Variants in GDA observed in about 807,000 individuals in gnomAD.
The protein encoded by GDA is guanine deaminase.
Under a neutral mutation model 59.6 loss-of-function variants are expected in GDA, and 18 were observed. The observed-to-expected ratio is 0.30, with a 90% confidence interval of 0.21 to 0.45. The LOEUF is 0.45. Ranked by LOEUF, GDA falls within the 20% of genes least tolerant of loss-of-function variation. The probability of loss-of-function intolerance (pLI) is 1.00; values close to 1 mark genes in which losing one functional copy is unlikely to be tolerated. For missense variants in GDA, 427 were observed against 552.3 expected, an observed-to-expected ratio of 0.77 and a Z score of 2.27; for synonymous variants, 201 against 201.1, an observed-to-expected ratio of 1.00 and a Z score of 0.00.
At chr9:72,179,871 G>T (rs949019013) in intron 1 of GDA, among the ~76,000 whole-genome samples, 4 of 151,990 alleles carry the variant, frequency 2.6e-5, no homozygotes, top group Non-Finnish European at 5.9e-5. Context: ...TGTCCAAAAG[G>T]ACACCAGTCA....
chr9:72,227,877 TGTGA>T, intron 8 of GDA, 62 bp from the exon 9 acceptor site: 1 of 826,870 alleles, frequency 1.2e-6, no homozygotes, highest in Non-Finnish European at 2.1e-6. Context: ...TAAAATACCT[TGTGA>T]GTGAGTACCC....
chr9:72,248,138 T>C lies in GDA; in HGVS notation c.1295-134T>C. ...CTTCCTGTTCAGATTATAAACAATC[T>C]GAGGGTTGGGGGAAAGCAGCTTTTA... On this transcript the variant is annotated intron_variant, in intron 13 of 13. Coordinates refer to ENST00000358399, the MANE Select transcript of GDA (RefSeq NM_004293.5). 5.8e-6 allele frequency: 4 copies of C among 689,928 alleles called. No individual in the cohort carries two copies. In the South Asian group the frequency reaches 6.8e-5, roughly 12 times the overall value. 42.7% of individuals were successfully genotyped at this position (689,928 alleles called of 1,614,324 possible).
intron 1 of GDA, among the ~76,000 whole-genome samples, chr9:72,152,612 C>A (rs1441968561): frequency 6.6e-6 from 1 of 152,168 alleles, no homozygotes; most frequent in Non-Finnish European, 1.5e-5. Context: ...CTGTTCATAT[C>A]CTTTGCCCAC....
At chr9:72,157,286 C>T (rs906401294) in intron 1 of GDA, among the ~76,000 whole-genome samples, 2 of 152,064 alleles carry the variant, frequency 1.3e-5, no homozygotes, top group African/African-American at 4.8e-5. Flanking sequence ...GGTGATCCAC[C>T]CACCTTGGCC....
intron 9 of GDA, among the ~76,000 whole-genome samples, chr9:72,230,490 C>CAA (rs1253245279): frequency 4.1e-4 from 57 of 138,404 alleles, no homozygotes; most frequent in South Asian, 1.5e-3. Flanking sequence ...GACTCTGTCT[C>CAA]AAAAAAAAAA....
intron 7 of GDA, among the ~76,000 whole-genome samples, chr9:72,224,417 T>G (rs1471766696): frequency 6.6e-6 from 1 of 152,204 alleles, no homozygotes; most frequent in African/African-American, 2.4e-5. Flanking sequence ...TTTTAAAAAT[T>G]TAGCTACGCA....
At chr9:72,127,105 G>C (rs1351098315) in intron 1 of GDA, among the ~76,000 whole-genome samples, 3 of 151,844 alleles carry the variant, frequency 2.0e-5, no homozygotes, top group Non-Finnish European at 2.9e-5. Flanking sequence ...TCCTAGATTT[G>C]TAATTACTTA....
rs375873368 is a variant in GDA at position 72,231,081 on chromosome 9, A to T, written c.921-33A>T. 5.6e-6 allele frequency: 7 copies of T among 1,240,284 alleles called. No homozygotes were observed. The African/African-American group carries it at 1.0e-4, about 18-fold the overall frequency. 76.8% of individuals were successfully genotyped at this position (1,240,284 alleles called of 1,614,324 possible). A position where few individuals can be genotyped will look rare whatever the true frequency, so the allele number is the denominator to read the frequency against. ...TTCATCTTTTATTGGAACCACATGG[A>T]TCTCCTTGTTCTGACATCTCCTCTC... On this transcript the variant is annotated intron_variant, in intron 9 of 13. Transcript: ENST00000358399.
At chr9:72,132,195 T>TC in intron 1 of GDA, among the ~76,000 whole-genome samples, 1 of 152,328 alleles carries the variant, frequency 6.6e-6, no homozygotes, top group South Asian at 2.1e-4. Context: ...AAACCATGTC[T>TC]CACCCTTCTA....
intron 1 of GDA, among the ~76,000 whole-genome samples, chr9:72,170,125 G>A (rs1383017917): frequency 6.6e-6 from 1 of 152,146 alleles, no homozygotes; most frequent in Non-Finnish European, 1.5e-5. Context: ...TTTTCTGGTT[G>A]CCGTAAAAAT....
At chr9:72,226,000 TGTGTGTGTGTGTGTGC>T (rs957974196) in intron 8 of GDA, among the ~76,000 whole-genome samples, 20 of 150,690 alleles carry the variant, frequency 1.3e-4, no homozygotes, top group African/African-American at 4.9e-4. Flanking sequence ...TGTGTGTGTG[TGTGTGTGTGTGTGTGC>T]GTGTGTGTGT....
At chr9:72,198,811 AG>A (rs565044148) in intron 2 of GDA, among the ~76,000 whole-genome samples, 113 of 148,970 alleles carry the variant, frequency 7.6e-4, no homozygotes, top group African/African-American at 2.7e-3. Context: ...TTTGGTGAAA[AG>A]ATAGGTGGAT....
chr9:72,149,362 A>G (rs1042829328), upstream of GDA: 13 of 558,166 alleles, frequency 2.3e-5, no homozygotes, highest in East Asian at 4.1e-4. Flanking sequence ...GAAAAATCCT[A>G]TTGGCATTGA....
chr9:72,140,444 A>G (rs1332100137), intron 1 of GDA, among the ~76,000 whole-genome samples: 1 of 152,156 alleles, frequency 6.6e-6, no homozygotes, highest in Non-Finnish European at 1.5e-5. Flanking sequence ...GATTGAACCT[A>G]CAACAAAGCT....
chr9:72,149,859 C>T (rs1587349007), intron 1 of GDA, among the ~76,000 whole-genome samples, 177 bp downstream of exon 1: 3 of 152,314 alleles, frequency 2.0e-5, no homozygotes, highest in Admixed American at 2.0e-4. Context: ...GCGCTAGGTT[C>T]GTGGGCTGGC....
At chr9:72,236,493 C>T (rs988992524) in intron 10 of GDA, among the ~76,000 whole-genome samples, 1 of 152,132 alleles carries the variant, frequency 6.6e-6, no homozygotes, top group Non-Finnish European at 1.5e-5. Flanking sequence ...AATCTCCCAC[C>T]ACGAAATTCA....
chr9:72,202,466 G>A (rs1834114224), intron 2 of GDA, 105 bp from the exon 3 acceptor site: 1 of 716,620 alleles, frequency 1.4e-6, no homozygotes, highest in Non-Finnish European at 2.4e-6. Flanking sequence ...CTATAAACCT[G>A]TGTGGGTGAA....
intron 1 of GDA, among the ~76,000 whole-genome samples, chr9:72,124,676 T>A (rs1272556351): frequency 6.6e-6 from 1 of 151,864 alleles, no homozygotes; most frequent in Non-Finnish European, 1.5e-5. Flanking sequence ...CTTGAAGGAG[T>A]TTTCTTTTTT....
At chr9:72,215,074 C>T (rs2131491930) in intron 5 of GDA, among the ~76,000 whole-genome samples, 1 of 151,938 alleles carries the variant, frequency 6.6e-6, no homozygotes, top group Admixed American at 6.6e-5. Context: ...ACCTCATATT[C>T]AATGTAAGTA....
Sources: gnomAD v4.1 joint callset for allele counts (sites outside exome capture counted in the v4.1 genomes callset) on GRCh38, gnomAD v4.1.1 for gene constraint, MANE v1.5 for transcripts, NCBI Gene and HGNC (gene_info 2026-07-23, HGNC 2026-07-21) for gene names.